The following MSN variants were observed in gnomAD, a reference collection of about 807,000 sequenced individuals.
MSN encodes the protein moesin.
A neutral mutation model predicts 48.0 loss-of-function variants in MSN; 2 were observed. The observed-to-expected ratio is 0.04, with a 90% CI of 0.02 to 0.13. The LOEUF is 0.13. Ranked by LOEUF, MSN falls within the 10% of genes least tolerant of loss-of-function variation. The pLI is 1.00. For missense variants in MSN, 267 were observed against 470.1 expected (o/e 0.57, Z 3.99); for synonymous variants, 146 against 166.9 (o/e 0.87, Z 0.97).
At chrX:65,639,852 AAGCACGGGAACCATTATACAC>A (rs1372001342) in intron 1 of MSN, among the ~76,000 whole-genome samples, 11 of 111,737 alleles carry the variant, frequency 9.8e-5, no homozygotes, top group African/African-American at 1.6e-4. Flanking sequence ...GAGGGAAGGT[AAGCACGGGAACCATTATACAC>A]AGGACTTACT....
chrX:65,643,295 T>C (rs2070671390), intron 1 of MSN, among the ~76,000 whole-genome samples: 1 of 111,464 alleles, frequency 9.0e-6, no homozygotes, highest in Non-Finnish European at 1.9e-5. Flanking sequence ...CACCTTAAGC[T>C]GCCAGGAAAG....
chrX:65,588,529 C>T, exon 1 of MSN: 1 of 799,298 alleles, frequency 1.3e-6, no homozygotes, highest in Non-Finnish European at 1.5e-6. Flanking sequence ...GGCCACACCA[C>T]CCATCAGCCA....
At chrX:65,608,922 TGCC>T (rs2070298809) in intron 1 of MSN, among the ~76,000 whole-genome samples, 1 of 110,781 alleles carries the variant, frequency 9.0e-6, no homozygotes, top group African/African-American at 3.3e-5. Flanking sequence ...GAAGTGAAAT[TGCC>T]AACACCTGAG....
intron 1 of MSN, among the ~76,000 whole-genome samples, chrX:65,709,578 C>T (rs1210898829): frequency 8.9e-6 from 1 of 112,231 alleles, no homozygotes; most frequent in East Asian, 2.8e-4. Flanking sequence ...GCCTCTCTGA[C>T]ATGCTTATTC....
intron 1 of MSN, among the ~76,000 whole-genome samples, chrX:65,698,258 C>T (rs1287164401): frequency 8.9e-6 from 1 of 112,094 alleles, no homozygotes; most frequent in Non-Finnish European, 1.9e-5. Context: ...TGTTCTTACC[C>T]TAAGAAAGAC....
Position 65,737,201 on chromosome X carries a change from G to A in MSN, c.1114G>A (p.Ala372Thr). The change falls in exon 10 of 13, where the codon GCT becomes ACT. Residue 372 changes from alanine to threonine, a missense_variant. This residue lies in a region of MSN where 70 missense variants were observed against 76.3 expected (regional missense o/e 0.92). Coordinates refer to ENST00000360270, the MANE Select transcript of MSN (RefSeq NM_002444.3). The stretch of plus-strand genomic sequence containing the variant: ...AGAACTGGAAGAACAGACCCGTAGG[G>A]CTCTGGAACTTGAGCAGGAACGGAA... ...QQELEEQTRR[A>T]LELEQERKRA... 1.7e-6 allele frequency: 2 copies of A among 1,206,741 alleles called. No homozygotes were observed. Among genetic ancestry groups the A allele is most frequent in the Non-Finnish European group, 2.2e-6 (2 of 893,058 alleles).
At chrX:65,707,056 A>G (rs1196553897) in intron 1 of MSN, among the ~76,000 whole-genome samples, 3 of 111,675 alleles carry the variant, frequency 2.7e-5, no homozygotes, top group African/African-American at 9.8e-5. Flanking sequence ...TAGCTGGGCT[A>G]CAGCTCACCT....
intron 1 of MSN, among the ~76,000 whole-genome samples, chrX:65,646,859 A>G (rs2148372557): frequency 9.0e-6 from 1 of 111,523 alleles, no homozygotes; most frequent in East Asian, 2.8e-4. Flanking sequence ...AGGCAGGAGA[A>G]TCTCTTGAAC....
intron 1 of MSN, among the ~76,000 whole-genome samples, chrX:65,618,332 G>T (rs922360233): frequency 9.0e-5 from 10 of 111,238 alleles, no homozygotes; most frequent in Admixed American, 5.8e-4. Context: ...TTATTAATGT[G>T]TGGGAGTCTA....
At chrX:65,663,456 A>T (rs1310207678), upstream of MSN, among the ~76,000 whole-genome samples, 1 of 111,220 alleles carries the variant, frequency 9.0e-6, no homozygotes, top group Non-Finnish European at 1.9e-5. Context: ...GTCAAAAAAA[A>T]CAACAAATGC....
chrX:65,649,294 C>T (rs1294333280), intron 1 of MSN, among the ~76,000 whole-genome samples: 3 of 101,346 alleles, frequency 3.0e-5, no homozygotes, highest in Non-Finnish European at 4.0e-5. Flanking sequence ...GCCAGGAGCC[C>T]GTGGCTCACA....
intron 1 of MSN, among the ~76,000 whole-genome samples, chrX:65,692,502 A>G (rs2071183860): frequency 8.9e-6 from 1 of 112,701 alleles, no homozygotes; most frequent in Non-Finnish European, 1.9e-5. Flanking sequence ...TTTGGAAAGT[A>G]GAATGTGAAA....
intron 1 of MSN, among the ~76,000 whole-genome samples, chrX:65,693,776 G>A (rs1042674705): frequency 3.6e-5 from 4 of 112,129 alleles, no homozygotes; most frequent in Non-Finnish European, 3.8e-5. Flanking sequence ...ATAGTGGGCC[G>A]GGCGCAGTGG....
chrX:65,597,219 CTTT>C (rs201889292), intron 1 of MSN, among the ~76,000 whole-genome samples: 1 of 100,896 alleles, frequency 9.9e-6, no homozygotes. Context: ...TTCTTTCTTT[CTTT>C]TTTTTTTTTT....
intron 1 of MSN, among the ~76,000 whole-genome samples, chrX:65,632,728 CGTGTATAAA>C (rs2070568271): frequency 9.0e-6 from 1 of 111,340 alleles, no homozygotes; most frequent in South Asian, 3.8e-4. Flanking sequence ...TGAAGGTTCA[CGTGTATAAA>C]GTGTCTGGCA....
chrX:65,727,476 A>G (rs1374272395), intron 2 of MSN, among the ~76,000 whole-genome samples: 1 of 112,095 alleles, frequency 8.9e-6, no homozygotes, highest in Non-Finnish European at 1.9e-5. Context: ...AAGTTATTTC[A>G]TTTATTTGAA....
At chrX:65,658,950 T>C (rs756931827) in intron 1 of MSN, among the ~76,000 whole-genome samples, 2 of 107,876 alleles carry the variant, frequency 1.9e-5, no homozygotes, top group Non-Finnish European at 3.8e-5. Context: ...GCTCAAGCGA[T>C]TCTCCTGCCT....
At chrX:65,729,765 C>T in intron 4 of MSN, 53 bp downstream of exon 4, 1 of 1,145,284 alleles carries the variant, frequency 8.7e-7, no homozygotes, top group African/African-American at 1.8e-5. Flanking sequence ...CTGCAGCCCA[C>T]AGCTGACCAA....
chrX:65,669,878 C>A (rs1368086517), intron 1 of MSN, among the ~76,000 whole-genome samples: 1 of 110,763 alleles, frequency 9.0e-6, no homozygotes, highest in Non-Finnish European at 1.9e-5. Flanking sequence ...TTGAGACCTA[C>A]AGGGAAAGAC....
Sources: allele counts gnomAD v4.1 joint callset (sites outside exome capture counted in the v4.1 genomes callset), GRCh38; gene constraint gnomAD v4.1.1; regional missense constraint gnomAD v4.1.1; transcripts MANE v1.5; gene names NCBI Gene and HGNC (gene_info 2026-07-23, HGNC 2026-07-21).